Variants in CENPI observed in about 807,000 individuals in gnomAD.
CENPI encodes the protein FSH primary response 1.
CENPI carries 4 observed loss-of-function variants against 60.4 expected under a neutral mutation model. The observed-to-expected ratio is 0.07, with a 90% CI of 0.03 to 0.15. The LOEUF (loss-of-function observed/expected upper bound fraction) is 0.15, where lower values mean the gene tolerates loss of function less well. CENPI is among the 10% of genes least tolerant of loss of function. CENPI has a pLI of 1.00. For synonymous variants in CENPI, 157 were observed against 189.4 expected (o/e 0.83, Z 1.40); for missense variants, 444 against 534.5 (o/e 0.83, Z 1.67).
chrX:101,170,568 A>G (rs138373334), downstream of CENPI, among the ~76,000 whole-genome samples: 764 of 112,222 alleles, frequency 6.8e-3, 7 homozygotes, highest in African/African-American at 0.024. Flanking sequence ...TCCTATATTC[A>G]TAGATTAGAA....
chrX:101,129,292 T>A (rs1266556208), intron 12 of CENPI, among the ~76,000 whole-genome samples: 1 of 111,706 alleles, frequency 9.0e-6, no homozygotes, highest in East Asian at 2.8e-4. Flanking sequence ...AAATTTGTCA[T>A]TAGAAGATTT....
Position 101,147,016 on chromosome X carries a change from G to A in CENPI, c.1826+739G>A, listed in dbSNP as rs145058822. On this transcript the variant is annotated intron_variant, in intron 18 of 21. Coordinates refer to ENST00000682095, the MANE Select transcript of CENPI (RefSeq NM_001386188.2). ...CTCCCAAAGTGCTGGGATTACAGGC[G>A]TGAGCCACCATGCTCAGCTTAGTGT... Among the ~76,000 whole-genome samples, 815 of 111,986 alleles carry A rather than the reference G, an allele frequency of 7.3e-3. 10 individuals are homozygous for A. Among genetic ancestry groups the A allele is most frequent in the African/African-American group, 0.025 (770 of 30,876 alleles).
the CENPI span, among the ~76,000 whole-genome samples, chrX:101,173,011 A>ATTTTTT: frequency 3.0e-3 from 204 of 68,648 alleles, no homozygotes; most frequent in Non-Finnish European, 4.3e-3. Context: ...AGTTGTAGGA[A>ATTTTTT]TTTTTTTTTT....
chrX:101,177,549 G>A, the CENPI span, among the ~76,000 whole-genome samples: 1 of 111,854 alleles, frequency 8.9e-6, no homozygotes, highest in African/African-American at 3.2e-5. Context: ...GAGGCAGGGC[G>A]CTCCTCAAGC....
At chrX:101,119,176 G>A (rs1047645102) in intron 6 of CENPI, among the ~76,000 whole-genome samples, 1 of 111,490 alleles carries the variant, frequency 9.0e-6, no homozygotes, top group African/African-American at 3.3e-5. Context: ...GTGAAACTCC[G>A]TCTCAAAAAA....
intron 4 of CENPI, among the ~76,000 whole-genome samples, chrX:101,108,920 TATA>T (rs1185507932): frequency 1.2e-4 from 13 of 111,334 alleles, no homozygotes; most frequent in Middle Eastern, 9.3e-3. Context: ...GTGTTAGGAT[TATA>T]GGCATGAGCC....
chrX:101,115,145 G>C lies in CENPI; in HGVS notation c.591+5147G>C, dbSNP rs2089606345. 3.7e-5 allele frequency among the ~76,000 whole-genome samples: 4 copies of C among 109,574 alleles called. No homozygotes were observed. In the South Asian group the frequency reaches 1.6e-3, roughly 43 times the overall value. ...CGCCTGGCTAATTTTTGTATTTTTA[G>C]TAGAGATGGGGTTTCGCCATGTTGG... On this transcript the variant is annotated intron_variant, in intron 6 of 21. Coordinates refer to ENST00000682095, the MANE Select transcript of CENPI (RefSeq NM_001386188.2).
intron 20 of CENPI, among the ~76,000 whole-genome samples, chrX:101,155,441 C>A (rs902414769): frequency 7.2e-5 from 8 of 111,637 alleles, no homozygotes; most frequent in Non-Finnish European, 1.1e-4. Flanking sequence ...CCGCCCACCT[C>A]GGCCTCCCAA....
At chrX:101,167,823 T>C (rs1374066397), downstream of CENPI, among the ~76,000 whole-genome samples, 1 of 112,308 alleles carries the variant, frequency 8.9e-6, no homozygotes, top group Admixed American at 9.5e-5. Flanking sequence ...CCCAACTTCA[T>C]GTTGCAGAAG....
At chrX:101,100,946 C>A (rs946314073) in intron 2 of CENPI, 112 bp from the exon 3 acceptor site, 10 of 465,781 alleles carry the variant, frequency 2.1e-5, no homozygotes, top group Non-Finnish European at 3.7e-5. Flanking sequence ...TTATTGTATG[C>A]CTGTTGTATG....
chrX:101,166,303 A>G (rs919413810), downstream of CENPI, among the ~76,000 whole-genome samples: 4 of 111,804 alleles, frequency 3.6e-5, no homozygotes, highest in African/African-American at 1.3e-4. Context: ...CTACAGGCAC[A>G]TGCCACCATG....
intron 2 of CENPI, 85 bp from the exon 3 acceptor site, chrX:101,100,973 A>G (rs1369182298): frequency 1.7e-6 from 1 of 598,794 alleles, no homozygotes; most frequent in African/African-American, 2.3e-5. Context: ...ATTGTATACT[A>G]AATACTGGAA....
At chrX:101,152,497 A>G (rs750201617) in intron 20 of CENPI, among the ~76,000 whole-genome samples, 1 of 109,603 alleles carries the variant, frequency 9.1e-6, no homozygotes, top group East Asian at 2.9e-4. Flanking sequence ...GCTTACTGCA[A>G]CCTCTGCCTC....
At position 101,164,216 on chromosome X, in the gene CENPI, G is replaced by A. The variant is rs985306689; in HGVS notation, c.*1249G>A. 1.3e-4 allele frequency among the ~76,000 whole-genome samples: 14 copies of A among 110,824 alleles called. No homozygotes were observed. The highest frequency in any genetic ancestry group is 2.8e-4 in the East Asian group (1 of 3,538). ...GGCGTTCAGACTAGAAATCCCACTC[G>A]TCCATTGACTCATTAATTGATTCAA... On this transcript the variant is annotated 3_prime_UTR_variant, in exon 22 of 22. Transcript: ENST00000682095.
intron 20 of CENPI, among the ~76,000 whole-genome samples, chrX:101,156,225 T>C (rs1228514023): frequency 1.8e-5 from 2 of 111,325 alleles, no homozygotes; most frequent in Non-Finnish European, 3.8e-5. Flanking sequence ...TTGGTTAGGC[T>C]GGTCTTGAAC....
chrX:101,151,683 A>T (rs972426818), intron 20 of CENPI, among the ~76,000 whole-genome samples: 2 of 109,047 alleles, frequency 1.8e-5, no homozygotes, highest in Non-Finnish European at 3.8e-5. Flanking sequence ...AGCACAAAAA[A>T]ATTAGCCGGG....
chrX:101,127,068 G>T, intron 9 of CENPI, 70 bp from the exon 10 acceptor site: 1 of 865,914 alleles, frequency 1.2e-6, no homozygotes, highest in Non-Finnish European at 1.6e-6. Flanking sequence ...AATTAATGAG[G>T]CATTTTAGAC....
chrX:101,099,511 C>G (rs1362618311), intron 2 of CENPI, among the ~76,000 whole-genome samples: 1 of 110,063 alleles, frequency 9.1e-6, no homozygotes, highest in South Asian at 3.8e-4. Context: ...TGTGACCCAC[C>G]TTGCCCAGCC....
Position 101,130,018 on chromosome X carries a change from G to C in CENPI, c.1232G>C (p.Gly411Ala), listed in dbSNP as rs372343714. ...TACAAGGTGAATAATTATGAACATG[G>C]AAAAGAATTTACCAACTTCCTGGAT... Reference protein sequence around the residue: ...IWYKVNNYEHGKEFTNFLDTI... With the variant: ...IWYKVNNYEHAKEFTNFLDTI... The change falls in exon 13 of 22, where the codon GGA becomes GCA. Residue 411 changes from glycine (G) to alanine (A), a missense_variant. Coordinates refer to ENST00000682095, the MANE Select transcript of CENPI (RefSeq NM_001386188.2). The C allele has an allele frequency of 7.4e-5, 89 of 1,203,249 alleles. No homozygotes were observed. Among genetic ancestry groups the C allele is most frequent in the Non-Finnish European group, 1.0e-4 (89 of 889,187 alleles).
Sources: allele counts gnomAD v4.1 joint callset (sites outside exome capture counted in the v4.1 genomes callset), GRCh38; gene constraint gnomAD v4.1.1; transcripts MANE v1.5; gene names NCBI Gene and HGNC (gene_info 2026-07-23, HGNC 2026-07-21).